Variants in ATP11A observed in about 807,000 individuals in gnomAD.
ATP11A encodes phospholipid-transporting ATPase IH.
Under a neutral mutation model 154.4 loss-of-function variants are expected in ATP11A, and 81 were observed. That is an observed-to-expected ratio of 0.52 (90% CI 0.44 to 0.63). ATP11A has a LOEUF of 0.63. Among genes scored for constraint, ATP11A ranks in the 30% least tolerant of loss-of-function variants. The pLI is 0.00. For synonymous variants in ATP11A, 623 were observed against 585.9 expected (o/e 1.06, Z -0.91); for missense variants, 1,316 against 1,474.3 (o/e 0.89, Z 1.76).
intron 25 of ATP11A, among the ~76,000 whole-genome samples, chr13:112,870,028 G>A (rs2080463129): frequency 6.6e-6 from 1 of 152,126 alleles, no homozygotes; most frequent in Admixed American, 6.5e-5. Context: ...CTCCACCACG[G>A]CCAGGTGTCC....
intron 1 of ATP11A, among the ~76,000 whole-genome samples, chr13:112,734,006 A>G (rs188042722): frequency 1.3e-5 from 2 of 152,320 alleles, no homozygotes; most frequent in African/African-American, 4.8e-5. Context: ...TTGAGTTTCT[A>G]TTAATACCAT....
intron 1 of ATP11A, among the ~76,000 whole-genome samples, chr13:112,702,422 C>G (rs563992838): frequency 6.6e-6 from 1 of 152,194 alleles, no homozygotes; most frequent in Non-Finnish European, 1.5e-5. Flanking sequence ...CCCCGCCCCC[C>G]GCGTGTTCCA....
At chr13:112,814,715 A>G (rs1263153331) in intron 5 of ATP11A, among the ~76,000 whole-genome samples, 1 of 152,154 alleles carries the variant, frequency 6.6e-6, no homozygotes, top group Non-Finnish European at 1.5e-5. Flanking sequence ...ATTGGTCTCC[A>G]TGCCCATGCC....
At chr13:112,818,271 C>T (rs1176387180) in intron 6 of ATP11A, among the ~76,000 whole-genome samples, 2 of 147,416 alleles carry the variant, frequency 1.4e-5, no homozygotes, top group African/African-American at 5.1e-5. Context: ...GGGCGATGAC[C>T]GTTGGTGCGC....
chr13:112,846,418 GA>G (rs1034704416), intron 17 of ATP11A, among the ~76,000 whole-genome samples: 1 of 152,064 alleles, frequency 6.6e-6, no homozygotes, highest in African/African-American at 2.4e-5. Flanking sequence ...CCCCACGCAG[GA>G]CACCCCTCTC....
In ATP11A at chr13:112,692,953, TA is replaced by T. The variant is rs1885371149; in HGVS notation, c.39+2499del. Among the ~76,000 whole-genome samples, 4 of 152,222 alleles carry T rather than the reference TA, an allele frequency of 2.6e-5. No homozygotes were observed. In the South Asian group the frequency reaches 8.3e-4, roughly 32 times the overall value. Reference sequence around the variant, plus strand: ...ATGTGACTTACTTTATTAAAAAGGATAGATAAATAGACCCTGTTCCTTCTTG... The same window carrying T: ...ATGTGACTTACTTTATTAAAAAGGATGATAAATAGACCCTGTTCCTTCTTG... On this transcript the variant is annotated intron_variant, in intron 1 of 29. Transcript: ENST00000375645.
chr13:112,864,897 T>C (rs2080267659), intron 25 of ATP11A, among the ~76,000 whole-genome samples: 1 of 69,532 alleles, frequency 1.4e-5, no homozygotes, highest in Non-Finnish European at 2.9e-5. Context: ...CTGCGCAGCT[T>C]CCCAGCGGGG....
rs1025513802 is a variant in ATP11A, at chr13:112,690,873, C to A, written c.39+418C>A. On this transcript the variant is annotated intron_variant, in intron 1 of 29. Transcript: ENST00000375645. The surrounding 1 kb of genome is among the most constrained non-coding windows in gnomAD (Gnocchi z 5.6). ...CCTTCAGATGCGGCTTCCGCGCAGCCGTGTCTGTAAGATTAAGGGATTGGG... is the reference window on the plus strand; with the variant it reads ...CCTTCAGATGCGGCTTCCGCGCAGCAGTGTCTGTAAGATTAAGGGATTGGG... 8.5e-5 allele frequency among the ~76,000 whole-genome samples: 13 copies of A among 152,202 alleles called. No homozygotes were observed. Among genetic ancestry groups the A allele is most frequent in the African/African-American group, 2.4e-4 (10 of 41,454 alleles).
chr13:112,853,452 T>C (rs1183745731), intron 18 of ATP11A, among the ~76,000 whole-genome samples: 5 of 152,216 alleles, frequency 3.3e-5, no homozygotes, highest in African/African-American at 1.2e-4. Flanking sequence ...ATTCCTTTCA[T>C]ACTTTCTAGA....
chr13:112,728,323 C>T (rs1166997465), intron 1 of ATP11A, among the ~76,000 whole-genome samples: 5 of 146,048 alleles, frequency 3.4e-5, no homozygotes, highest in Admixed American at 1.4e-4. Flanking sequence ...CATGAGACTG[C>T]GGCCCGCCTC....
chr13:112,814,912 G>A (rs190056656), intron 5 of ATP11A, among the ~76,000 whole-genome samples: 2 of 152,170 alleles, frequency 1.3e-5, no homozygotes, highest in Non-Finnish European at 2.9e-5. Context: ...TTTTGATAGG[G>A]ATTTTACTAA....
intron 2 of ATP11A, among the ~76,000 whole-genome samples, chr13:112,788,731 G>A (rs183024886): frequency 4.1e-4 from 62 of 151,614 alleles, no homozygotes; most frequent in South Asian, 1.7e-3. Context: ...GCATCCTGAC[G>A]TGTAGACTCC....
Position 112,854,474 on chromosome 13 carries a change from G to C in ATP11A, c.2187G>C (p.Glu729Asp). 3.7e-6 allele frequency: 6 copies of C among 1,612,570 alleles called. No homozygotes were observed. The highest frequency in any genetic ancestry group is 3.4e-6 in the Non-Finnish European group (4 of 1,180,024). ...EEQSLHDVLF[E>D]LSKTVLRHSG... ...AGAGCCTGCACGACGTCCTGTTCGA[G>C]CTGAGCAAGACGGTCCTGCGCCACA... Residue 729 changes from glutamate (E) to aspartate (D), a missense_variant, in exon 19 of 30, where the codon GAG becomes GAC. Physicochemically the swap from Glu to Asp is conservative, Grantham distance 45 (BLOSUM62 2). This residue lies in a region of ATP11A where 876 missense variants were observed against 1,006.8 expected (regional missense o/e 0.87). Coordinates refer to ENST00000375645, the MANE Select transcript of ATP11A (RefSeq NM_015205.3).
rs937028096 is a variant in ATP11A, at chr13:112,838,978, G to A, written c.1705+2727G>A. Among the ~76,000 whole-genome samples the A allele has an allele frequency of 2.6e-5, 4 of 152,184 alleles. No homozygotes were observed. The highest frequency in any genetic ancestry group is 9.7e-5 in the African/African-American group (4 of 41,442). On this transcript the variant is annotated intron_variant, in intron 16 of 29. Coordinates refer to ENST00000375645, the MANE Select transcript of ATP11A (RefSeq NM_015205.3). This position sits in a 1 kb window ranked among gnomAD's most constrained non-coding sequence, Gnocchi z 7.3. ...GGGCTCAGCCCTGTAGGGGGTTGCG[G>A]CTGTCAGAGCCGGATCTCACTGTTT...
chr13:112,848,925 T>C (rs2079683652), intron 17 of ATP11A, among the ~76,000 whole-genome samples: 1 of 152,222 alleles, frequency 6.6e-6, no homozygotes, highest in Admixed American at 6.5e-5. Flanking sequence ...TGACCTCAGG[T>C]GATCTGCCCA....
intron 8 of ATP11A, 84 bp from the exon 9 acceptor site, chr13:112,823,261 G>A: frequency 7.2e-6 from 7 of 972,660 alleles, no homozygotes; most frequent in Admixed American, 5.8e-5. Context: ...GAGCAAACAA[G>A]TGGGTTTCAC....
chr13:112,791,223 G>A (rs778667939), intron 2 of ATP11A, among the ~76,000 whole-genome samples: 8 of 152,214 alleles, frequency 5.3e-5, no homozygotes, highest in Non-Finnish European at 7.3e-5. Flanking sequence ...GTCCACATAC[G>A]GTGCCATTGT....
chr13:112,800,701 C>T lies in ATP11A; in HGVS notation c.163-4256C>T, dbSNP rs7328808. Among the ~76,000 whole-genome samples the T allele has an allele frequency of 8.4e-3, 1,275 of 152,166 alleles. 25 individuals carry two copies. Among genetic ancestry groups the T allele is most frequent in the African/African-American group, 0.029 (1,205 of 41,526 alleles). Reference sequence around the variant, plus strand: ...CCAGAAAAAGATATTACCAGAAAGACGATATCACACACCAGTATTTCTCAT... The same window carrying T: ...CCAGAAAAAGATATTACCAGAAAGATGATATCACACACCAGTATTTCTCAT... On this transcript the variant is annotated intron_variant, in intron 2 of 29. Coordinates refer to ENST00000375645, the MANE Select transcript of ATP11A (RefSeq NM_015205.3).
rs1892140345 is a variant in ATP11A at position 112,746,347 on chromosome 13, G to T, written c.40-38788G>T. ...CCCACGTCCTCACCGGGTAACTGGGGTTCCGGCTCCCCACGTCCTCCCCGG... is the reference window on the plus strand; with the variant it reads ...CCCACGTCCTCACCGGGTAACTGGGTTTCCGGCTCCCCACGTCCTCCCCGG... On this transcript the variant is annotated intron_variant, in intron 1 of 29. Coordinates refer to ENST00000375645, the MANE Select transcript of ATP11A (RefSeq NM_015205.3). The surrounding 1 kb of genome is among the most constrained non-coding windows in gnomAD (Gnocchi z 4.1). The T allele has an allele frequency of 1.3e-5, 2 of 151,792 alleles. No individual in the cohort carries two copies. The highest frequency in any genetic ancestry group is 4.2e-4 in the South Asian group (2 of 4,794). 9.4% of individuals were successfully genotyped at this position (151,792 alleles called of 1,614,324 possible).
Sources: allele counts gnomAD v4.1 joint callset (sites outside exome capture counted in the v4.1 genomes callset), GRCh38; gene constraint gnomAD v4.1.1; regional missense constraint gnomAD v4.1.1; non-coding constraint Gnocchi (gnomAD v3.1); transcripts MANE v1.5; gene names NCBI Gene and HGNC (gene_info 2026-07-23, HGNC 2026-07-21).